REEP3: variants seen among roughly 807,000 people sequenced by gnomAD.
The protein encoded by REEP3 is receptor expression-enhancing protein 3.
In REEP3, 20 loss-of-function variants were observed where a neutral mutation model predicts 41.3. That is an observed-to-expected ratio of 0.48 (90% CI 0.34 to 0.70). The LOEUF (loss-of-function observed/expected upper bound fraction) is 0.70. REEP3 is among the 30% of genes least tolerant of loss of function. The probability of loss-of-function intolerance (pLI) is 0.01; values close to 1 mark genes in which losing one functional copy is unlikely to be tolerated. For synonymous variants in REEP3, 104 were observed against 101.8 expected, an observed-to-expected ratio of 1.02 and a Z score of -0.13; for missense variants, 271 against 308.8, an observed-to-expected ratio of 0.88 and a Z score of 0.92.
At chr10:63,609,879 T>G (rs1434937226) in intron 5 of REEP3, among the ~76,000 whole-genome samples, 1 of 152,254 alleles carries the variant, frequency 6.6e-6, no homozygotes, top group African/African-American at 2.4e-5. Flanking sequence ...GGATGCTGTT[T>G]ACTCTGAGGG....
chr10:63,616,582 A>G (rs1473032730), intron 6 of REEP3, among the ~76,000 whole-genome samples: 3 of 152,242 alleles, frequency 2.0e-5, no homozygotes, highest in Non-Finnish European at 4.4e-5. Context: ...AATAAGATGT[A>G]TAATCAGCTT....
chr10:63,620,684 A>G (rs1956346688), intron 7 of REEP3, 129 bp from the exon 8 acceptor site: 3 of 566,862 alleles, frequency 5.3e-6, no homozygotes, highest in South Asian at 2.6e-5. Flanking sequence ...TCTTATATAC[A>G]TTTATTAAGA....
chr10:63,581,368 G>T (rs1275706408), intron 2 of REEP3, among the ~76,000 whole-genome samples: 1 of 152,110 alleles, frequency 6.6e-6, no homozygotes, highest in African/African-American at 2.4e-5. Context: ...TAATGGAAAT[G>T]TAAAATGATA....
chr10:63,607,404 T>C (rs1956238686), intron 5 of REEP3, among the ~76,000 whole-genome samples: 1 of 152,224 alleles, frequency 6.6e-6, no homozygotes, highest in Non-Finnish European at 1.5e-5. Context: ...ATCCAGCCTT[T>C]AGATAGATCA....
At chr10:63,594,734 A>T (rs1956097793) in intron 2 of REEP3, 44 bp from the exon 3 acceptor site, 2 of 1,241,218 alleles carry the variant, frequency 1.6e-6, no homozygotes, top group Non-Finnish European at 2.4e-6. Context: ...AGAGTTGCAA[A>T]TAATTTTCAT....
At position 63,610,174 on chromosome 10, in the gene REEP3, C is replaced by T. The variant is rs1956266667; in HGVS notation, c.418-13C>T. Reference sequence around the variant, plus strand: ...ATATTTTTTCTTGGACCTATCACTTCTCTGTTAAATAGAGCCAAGGAGCAA... The same window carrying T: ...ATATTTTTTCTTGGACCTATCACTTTTCTGTTAAATAGAGCCAAGGAGCAA... On this transcript the variant is annotated splice_polypyrimidine_tract_variant and intron_variant, in intron 5 of 7. Coordinates refer to ENST00000373758, the MANE Select transcript of REEP3 (RefSeq NM_001001330.3). 6.2e-7 allele frequency: 1 copy of T among 1,602,842 alleles called. No individual in the cohort carries two copies. The highest frequency in any genetic ancestry group is 8.5e-7 in the Non-Finnish European group (1 of 1,174,436).
At chr10:63,556,244 T>G (rs1470122531) in intron 1 of REEP3, among the ~76,000 whole-genome samples, 1 of 152,036 alleles carries the variant, frequency 6.6e-6, no homozygotes, top group Non-Finnish European at 1.5e-5. Flanking sequence ...GCCTCCCAAG[T>G]AGCTGGGATT....
At chr10:63,610,050 A>C in intron 5 of REEP3, 137 bp from the exon 6 acceptor site, 1 of 678,674 alleles carries the variant, frequency 1.5e-6, no homozygotes, top group East Asian at 2.8e-5. Context: ...AGATACCGCA[A>C]AATGTAAACA....
At chr10:63,614,322 G>C (rs1956297493) in intron 6 of REEP3, among the ~76,000 whole-genome samples, 1 of 152,190 alleles carries the variant, frequency 6.6e-6, no homozygotes, top group African/African-American at 2.4e-5. Flanking sequence ...ACAGCAGCTT[G>C]AAACAATCAT....
At chr10:63,555,796 A>G (rs1955673437) in intron 1 of REEP3, among the ~76,000 whole-genome samples, 1 of 152,214 alleles carries the variant, frequency 6.6e-6, no homozygotes. Context: ...TTTGTTGAAG[A>G]TGCAGAATTT....
At chr10:63,591,837 C>T (rs548008016) in intron 2 of REEP3, among the ~76,000 whole-genome samples, 3 of 152,218 alleles carry the variant, frequency 2.0e-5, no homozygotes, top group South Asian at 4.1e-4. Context: ...AAATGGCTAC[C>T]GTCTGTACAG....
chr10:63,618,993 A>G (rs1564494067), intron 6 of REEP3, among the ~76,000 whole-genome samples: 1 of 152,164 alleles, frequency 6.6e-6, no homozygotes, highest in Non-Finnish European at 1.5e-5. Context: ...GCCTGATTCT[A>G]TTTTCTTTGA....
intron 2 of REEP3, among the ~76,000 whole-genome samples, chr10:63,571,476 T>C (rs1955851702): frequency 1.3e-5 from 2 of 152,128 alleles, no homozygotes; most frequent in South Asian, 2.1e-4. Context: ...AACCCAGCAA[T>C]GTTGGGCTGA....
At chr10:63,525,102 T>C (rs1440632965) in intron 1 of REEP3, among the ~76,000 whole-genome samples, 2 of 152,148 alleles carry the variant, frequency 1.3e-5, no homozygotes, top group African/African-American at 4.8e-5. Context: ...ACTTAAAACG[T>C]AATAGATATA....
intron 1 of REEP3, among the ~76,000 whole-genome samples, chr10:63,522,523 C>G (rs938575546): frequency 6.6e-6 from 1 of 151,988 alleles, no homozygotes; most frequent in Non-Finnish European, 1.5e-5. Context: ...ACAGCTAGGG[C>G]CTATGAATTC....
intron 2 of REEP3, among the ~76,000 whole-genome samples, chr10:63,579,046 G>GC (rs151292170): frequency 6.7e-6 from 1 of 148,238 alleles, no homozygotes; most frequent in African/African-American, 2.5e-5. Context: ...TTTTTTGGGG[G>GC]GGGGGAGATG....
intron 5 of REEP3, among the ~76,000 whole-genome samples, chr10:63,603,037 G>A (rs2133418211): frequency 6.9e-6 from 1 of 145,864 alleles, no homozygotes; most frequent in South Asian, 2.2e-4. Context: ...CCCATGGCTG[G>A]GCGCAGTGGC....
chr10:63,542,295 C>T (rs1253780929), intron 1 of REEP3, among the ~76,000 whole-genome samples: 1 of 151,946 alleles, frequency 6.6e-6, no homozygotes, highest in African/African-American at 2.4e-5. Context: ...CAGTTGGTCT[C>T]GAACTCCTGA....
At chr10:63,548,074 A>G (rs1955595073) in intron 1 of REEP3, among the ~76,000 whole-genome samples, 1 of 152,220 alleles carries the variant, frequency 6.6e-6, no homozygotes, top group Non-Finnish European at 1.5e-5. Context: ...TTTTCATGAG[A>G]TGGCACTGGG....
Sources: allele counts gnomAD v4.1 joint callset (sites outside exome capture counted in the v4.1 genomes callset), GRCh38; gene constraint gnomAD v4.1.1; transcripts MANE v1.5; gene names NCBI Gene and HGNC (gene_info 2026-07-23, HGNC 2026-07-21).